SCIN: variants seen among roughly 807,000 people sequenced by gnomAD.
SCIN encodes adseverin.
Under a neutral mutation model 91.8 loss-of-function variants are expected in SCIN, and 91 were observed. That is an observed-to-expected ratio of 0.99 (90% CI 0.84 to 1.18). The LOEUF (loss-of-function observed/expected upper bound fraction) is 1.18, where lower values mean the gene tolerates loss of function less well. Among genes scored for constraint, SCIN ranks in the 50% most tolerant of loss-of-function variants. The pLI is 0.00. For missense variants in SCIN, 1,087 were observed against 863.9 expected, an observed-to-expected ratio of 1.26 and a Z score of -3.24; for synonymous variants, 367 against 312.6, an observed-to-expected ratio of 1.17 and a Z score of -1.84.
At chr7:12,644,077 A>G in intron 11 of SCIN, 61 bp from the exon 12 acceptor site, 3 of 1,446,174 alleles carry the variant, frequency 2.1e-6, no homozygotes, top group African/African-American at 1.4e-5. Context: ...CTTCTGGGAC[A>G]TGTTTATTGA....
intron 3 of SCIN, among the ~76,000 whole-genome samples, chr7:12,599,240 C>A (rs1052413788): frequency 2.6e-5 from 4 of 152,110 alleles, no homozygotes; most frequent in African/African-American, 9.7e-5. Flanking sequence ...TGATCTTTCA[C>A]TTTAATGTAA....
intron 9 of SCIN, among the ~76,000 whole-genome samples, chr7:12,631,883 G>T (rs1783650441): frequency 6.6e-6 from 1 of 152,166 alleles, no homozygotes; most frequent in Non-Finnish European, 1.5e-5. Flanking sequence ...TCCAAGAAAT[G>T]CAGGAAAATA....
intron 8 of SCIN, among the ~76,000 whole-genome samples, chr7:12,628,439 T>A (rs1374118405): frequency 6.6e-6 from 1 of 152,158 alleles, no homozygotes; most frequent in Non-Finnish European, 1.5e-5. Flanking sequence ...TTCAGGTTCA[T>A]AGACTTTTTG....
At chr7:12,592,263 G>C (rs1373969200) in intron 3 of SCIN, among the ~76,000 whole-genome samples, 1 of 152,150 alleles carries the variant, frequency 6.6e-6, no homozygotes, top group East Asian at 1.9e-4. Context: ...TGGACTATGG[G>C]ATGAATAGGG....
chr7:12,627,732 C>A (rs889589271), intron 8 of SCIN, among the ~76,000 whole-genome samples: 2 of 152,164 alleles, frequency 1.3e-5, no homozygotes, highest in Non-Finnish European at 2.9e-5. Flanking sequence ...ACTTCTGGGT[C>A]TGCATCTGTC....
At chr7:12,649,440 G>T (rs1338890168) in intron 13 of SCIN, 27 bp from the exon 14 acceptor site, 1 of 1,483,968 alleles carries the variant, frequency 6.7e-7, no homozygotes, top group South Asian at 1.3e-5. Flanking sequence ...TTTACTTTTT[G>T]CTCATATAGC....
At chr7:12,607,119 C>T (rs1057437487) in intron 4 of SCIN, among the ~76,000 whole-genome samples, 2 of 152,178 alleles carry the variant, frequency 1.3e-5, no homozygotes, top group African/African-American at 4.8e-5. Context: ...CATTAACTAT[C>T]GGACATCACT....
At chr7:12,644,100 G>T in intron 11 of SCIN, 38 bp from the exon 12 acceptor site, 2 of 1,561,070 alleles carry the variant, frequency 1.3e-6, no homozygotes, top group South Asian at 2.3e-5. Flanking sequence ...GAGCAGCAAT[G>T]AATTTGAATC....
At chr7:12,615,820 A>G (rs553972313) in intron 4 of SCIN, among the ~76,000 whole-genome samples, 11 of 152,238 alleles carry the variant, frequency 7.2e-5, no homozygotes, top group African/African-American at 2.4e-4. Context: ...TTAAAATTTC[A>G]TGCTTGGAAA....
intron 3 of SCIN, among the ~76,000 whole-genome samples, chr7:12,593,146 A>G (rs1379041149): frequency 1.3e-5 from 2 of 152,230 alleles, no homozygotes; most frequent in Non-Finnish European, 2.9e-5. Flanking sequence ...GGGTGGGGAC[A>G]TGGCCCCGTC....
At chr7:12,626,107 A>G (rs2115274751) in intron 7 of SCIN, 1 of 431,108 alleles carries the variant, frequency 2.3e-6, no homozygotes, top group Non-Finnish European at 4.1e-6. Flanking sequence ...ATAGTAAACC[A>G]CAGTAGGTTT....
At chr7:12,588,732 A>G (rs976886560) in intron 3 of SCIN, among the ~76,000 whole-genome samples, 2 of 148,550 alleles carry the variant, frequency 1.3e-5, no homozygotes, top group Admixed American at 6.8e-5. Flanking sequence ...AAGTCTGGTG[A>G]CCTTGCTGTA....
At chr7:12,615,969 A>T (rs948336104) in intron 4 of SCIN, among the ~76,000 whole-genome samples, 1 of 152,152 alleles carries the variant, frequency 6.6e-6, no homozygotes, top group African/African-American at 2.4e-5. Flanking sequence ...ATAAAATTAA[A>T]CAAGTTCATA....
intron 4 of SCIN, among the ~76,000 whole-genome samples, chr7:12,614,345 G>T (rs961136198): frequency 6.6e-5 from 10 of 152,140 alleles, no homozygotes; most frequent in Admixed American, 6.5e-4. Context: ...TGCTGCAAAA[G>T]AGCTAACAAC....
At chr7:12,591,581 G>A (rs1782723375) in intron 3 of SCIN, among the ~76,000 whole-genome samples, 1 of 152,152 alleles carries the variant, frequency 6.6e-6, no homozygotes, top group Non-Finnish European at 1.5e-5. Context: ...CGGAGCTGAC[G>A]CAGTGACAAG....
intron 10 of SCIN, 66 bp downstream of exon 10, chr7:12,636,201 A>G: frequency 9.0e-7 from 1 of 1,113,742 alleles, no homozygotes; most frequent in Non-Finnish European, 1.3e-6. Context: ...GGATAGCTAT[A>G]GCTCCCTCCC....
chr7:12,580,181 G>C (rs904591860), intron 2 of SCIN, among the ~76,000 whole-genome samples: 1 of 151,820 alleles, frequency 6.6e-6, no homozygotes, highest in East Asian at 1.9e-4. Flanking sequence ...TATTATAGAG[G>C]TCTTTGATCT....
In SCIN at chr7:12,582,443, C is replaced by T. The variant is rs941240238; in HGVS notation, c.516+1222C>T. Among the ~76,000 whole-genome samples, 8 of 152,152 alleles carry T rather than the reference C, an allele frequency of 5.3e-5. 1 individual carries two copies. Among genetic ancestry groups the T allele is most frequent in the Admixed American group, 5.2e-4 (8 of 15,268 alleles). ...CCCAAAGTATAAACTGCATCAGTTT[C>T]TTTAAGTGAGCGTGCATCTATAGTT... On this transcript the variant is annotated intron_variant, in intron 3 of 15. Transcript: ENST00000297029.
rs191974892 is a variant in SCIN, at chr7:12,622,106, A to G, written c.667-695A>G. ...AATAAATTAATTAAGGTACTCATAG[A>G]CATATTTTTTATTTTAATATAAAGA... On this transcript the variant is annotated intron_variant, in intron 4 of 15. Transcript: ENST00000297029. Among the ~76,000 whole-genome samples the G allele has an allele frequency of 7.4e-4, 113 of 152,160 alleles. 1 individual carries two copies. Among genetic ancestry groups the G allele is most frequent in the African/African-American group, 2.5e-3 (105 of 41,552 alleles).
Sources: allele counts gnomAD v4.1 joint callset (sites outside exome capture counted in the v4.1 genomes callset), GRCh38; gene constraint gnomAD v4.1.1; transcripts MANE v1.5; gene names NCBI Gene and HGNC (gene_info 2026-07-23, HGNC 2026-07-21).